CLOCK: variants seen among roughly 807,000 people sequenced by gnomAD.
CLOCK encodes the protein clock circadian regulator, also known as circadian locomoter output cycles protein kaput.
CLOCK carries 43 observed loss-of-function variants against 118.4 expected under a neutral mutation model. The ratio of observed to expected loss-of-function variants is 0.36; its 90% CI spans 0.28 to 0.47. The LOEUF (loss-of-function observed/expected upper bound fraction) is 0.47, where lower values mean the gene tolerates loss of function less well. Ranked by LOEUF, CLOCK falls within the 20% of genes least tolerant of loss-of-function variation. The pLI, the probability that CLOCK is intolerant of heterozygous loss-of-function variation, is 1.00. For synonymous variants in CLOCK, 326 were observed against 339.2 expected, an observed-to-expected ratio of 0.96 and a Z score of 0.43; for missense variants, 846 against 999.9, an observed-to-expected ratio of 0.85 and a Z score of 2.08.
chr4:55,457,027 G>C (rs10517346), intron 11 of CLOCK, among the ~76,000 whole-genome samples: 51,406 of 152,008 alleles, frequency 0.34, 9,389 homozygotes, highest in East Asian at 0.59. Context: ...AAAGAATGTG[G>C]TAATAAATAA....
chr4:55,517,796 T>C (rs1256288573), intron 1 of CLOCK, among the ~76,000 whole-genome samples: 1 of 152,142 alleles, frequency 6.6e-6, no homozygotes, highest in Non-Finnish European at 1.5e-5. Flanking sequence ...GGGATAGTAG[T>C]AGTAGAATGT....
At chr4:55,440,136 A>C (rs1206172095) in intron 21 of CLOCK, among the ~76,000 whole-genome samples, 1 of 152,182 alleles carries the variant, frequency 6.6e-6, no homozygotes, top group Non-Finnish European at 1.5e-5. Flanking sequence ...TTCATGAATA[A>C]ACAAAGCTAT....
At chr4:55,448,290 G>A (rs1724050043) in intron 18 of CLOCK, among the ~76,000 whole-genome samples, 1 of 152,086 alleles carries the variant, frequency 6.6e-6, no homozygotes, top group East Asian at 1.9e-4. Context: ...TACAAATAAA[G>A]TTACTCAATT....
At chr4:55,506,328 G>A (rs1209230098) in intron 2 of CLOCK, among the ~76,000 whole-genome samples, 1 of 151,916 alleles carries the variant, frequency 6.6e-6, no homozygotes, top group Non-Finnish European at 1.5e-5. Flanking sequence ...GACTAGGGGT[G>A]CATACCAACA....
intron 1 of CLOCK, among the ~76,000 whole-genome samples, chr4:55,537,333 C>T (rs1730969325): frequency 6.6e-6 from 1 of 152,044 alleles, no homozygotes; most frequent in Non-Finnish European, 1.5e-5. Context: ...TTGTAATAAA[C>T]TCTGGCCAGG....
chr4:55,522,526 A>T (rs1729911183), intron 1 of CLOCK, among the ~76,000 whole-genome samples: 2 of 152,092 alleles, frequency 1.3e-5, no homozygotes, highest in Non-Finnish European at 2.9e-5. Context: ...AAGCATAAAG[A>T]ACGAATAAAC....
intron 9 of CLOCK, among the ~76,000 whole-genome samples, chr4:55,459,699 G>C (rs1428534762): frequency 6.6e-6 from 1 of 151,920 alleles, no homozygotes; most frequent in Admixed American, 6.6e-5. Context: ...GTCTTGATTT[G>C]TCACCCAGGC....
At chr4:55,435,625 T>C in intron 22 of CLOCK, 31 bp from the exon 23 acceptor site, 1 of 1,609,188 alleles carries the variant, frequency 6.2e-7, no homozygotes, top group Non-Finnish European at 8.5e-7. Flanking sequence ...GCAGCATTGC[T>C]TTACTCCCTT....
intron 1 of CLOCK, 158 bp downstream of exon 1, chr4:55,546,624 C>T (rs1731656052): frequency 7.9e-6 from 1 of 126,098 alleles, no homozygotes; most frequent in Non-Finnish European, 1.7e-5. Context: ...AGTGGCGCCC[C>T]CCACCCACCC....
At chr4:55,536,666 C>T (rs766122476) in intron 1 of CLOCK, among the ~76,000 whole-genome samples, 1 of 152,172 alleles carries the variant, frequency 6.6e-6, no homozygotes, top group Non-Finnish European at 1.5e-5. Flanking sequence ...AATTAAGCTT[C>T]TTTTCTTTAT....
intron 2 of CLOCK, among the ~76,000 whole-genome samples, chr4:55,492,037 A>T (rs1727735013): frequency 6.6e-6 from 1 of 152,182 alleles, no homozygotes; most frequent in East Asian, 1.9e-4. Context: ...GAACATTTTC[A>T]AACTCTTTAT....
intron 8 of CLOCK, among the ~76,000 whole-genome samples, chr4:55,464,016 TA>T (rs1440836713): frequency 6.6e-6 from 1 of 152,192 alleles, no homozygotes. Flanking sequence ...GAAAGCCTGA[TA>T]AATTATTTGC....
In CLOCK at chr4:55,470,799, T is replaced by G. The variant is rs1289814329; in HGVS notation, c.356A>C (p.Asp119Ala). 1.2e-6 allele frequency: 2 copies of G among 1,606,922 alleles called. No individual in the cohort carries two copies. The highest frequency in any genetic ancestry group is 1.7e-6 in the Non-Finnish European group (2 of 1,174,682). The change falls in exon 8 of 23, where the codon GAT becomes GCT. Residue 119 changes from aspartate to alanine, a missense_variant. Around this residue, in one of 4 missense-constraint regions of CLOCK, gnomAD observed 246 missense variants for 300.2 expected, o/e 0.82. Coordinates refer to ENST00000513440, the MANE Select transcript of CLOCK (RefSeq NM_004898.4). The part of the protein sequence containing the change: ...EFTQLMLEAL[D>A]GFFLAIMTDG... ...TGTCATGATTGCTAAAAAAAAACCA[T>G]CAAGAGCCTGAAATTAAACATAATG...
chr4:55,505,161 C>CAA (rs36120601), intron 2 of CLOCK, among the ~76,000 whole-genome samples: 11,731 of 141,336 alleles, frequency 0.083, 573 homozygotes, highest in South Asian at 0.16. Flanking sequence ...ACCCCCCCAC[C>CAA]AAAAAAAAAA....
intron 2 of CLOCK, among the ~76,000 whole-genome samples, chr4:55,501,004 A>C (rs1728397240): frequency 6.6e-6 from 1 of 151,854 alleles, no homozygotes; most frequent in Non-Finnish European, 1.5e-5. Flanking sequence ...GGCATGCACC[A>C]CCATGCCTAG....
At chr4:55,438,574 A>C (rs1329300167) in intron 21 of CLOCK, 37 bp from the exon 22 acceptor site, 2 of 1,612,128 alleles carry the variant, frequency 1.2e-6, no homozygotes, top group Admixed American at 1.7e-5. Context: ...TGGAGTCCAA[A>C]GTACAAGGTA....
intron 1 of CLOCK, among the ~76,000 whole-genome samples, chr4:55,526,758 C>T (rs1438396294): frequency 6.6e-6 from 1 of 151,926 alleles, no homozygotes; most frequent in Non-Finnish European, 1.5e-5. Context: ...ACCATCCTGG[C>T]TAACACGGTG....
At chr4:55,497,475 A>G (rs1728155335) in intron 2 of CLOCK, among the ~76,000 whole-genome samples, 2 of 152,314 alleles carry the variant, frequency 1.3e-5, no homozygotes, top group South Asian at 4.1e-4. Flanking sequence ...TATTCTGCCT[A>G]CCACGTACCA....
intron 1 of CLOCK, among the ~76,000 whole-genome samples, chr4:55,543,360 TAA>T (rs1249971287): frequency 6.6e-6 from 1 of 152,162 alleles, no homozygotes; most frequent in African/African-American, 2.4e-5. Context: ...GTCCTGTAGG[TAA>T]TAACAGAGCC....
Sources: gnomAD v4.1 joint callset for allele counts (sites outside exome capture counted in the v4.1 genomes callset) on GRCh38, gnomAD v4.1.1 for gene constraint, gnomAD v4.1.1 regional missense constraint, MANE v1.5 for transcripts, NCBI Gene and HGNC (gene_info 2026-07-23, HGNC 2026-07-21) for gene names.